The following PRKN variants were observed in gnomAD, a reference collection of about 807,000 sequenced individuals.
PRKN encodes the protein parkin RBR E3 ubiquitin protein ligase, also known as E3 ubiquitin-protein ligase parkin.
In PRKN, 56 loss-of-function variants were observed where a neutral mutation model predicts 59.5. The ratio of observed to expected loss-of-function variants is 0.94; its 90% CI spans 0.76 to 1.18. PRKN has a LOEUF of 1.18. Among genes scored for constraint, PRKN ranks in the 50% most tolerant of loss-of-function variants. PRKN has a pLI of 0.00. For missense variants in PRKN, 657 were observed against 596.4 expected, an observed-to-expected ratio of 1.10 and a Z score of -1.06; for synonymous variants, 250 against 222.1, an observed-to-expected ratio of 1.13 and a Z score of -1.12.
chr6:161,783,282 A>T (rs1790284222), intron 7 of PRKN, among the ~76,000 whole-genome samples: 1 of 152,214 alleles, frequency 6.6e-6, no homozygotes, highest in East Asian at 1.9e-4. Flanking sequence ...TACTTAAAAA[A>T]AAAAAAGTCT....
chr6:162,374,551 A>G (rs188302151), intron 2 of PRKN, among the ~76,000 whole-genome samples: 3 of 149,552 alleles, frequency 2.0e-5, no homozygotes, highest in African/African-American at 5.1e-5. Flanking sequence ...TTGTTTGTTT[A>G]TTTATTTATT....
At chr6:162,320,391 ATTTT>A in intron 2 of PRKN, among the ~76,000 whole-genome samples, 1 of 127,274 alleles carries the variant, frequency 7.9e-6, no homozygotes, top group East Asian at 2.2e-4. Flanking sequence ...AAAACCAAGC[ATTTT>A]AAGATCAAAC....
At chr6:162,568,711 G>T in intron 1 of PRKN, 1 of 769,388 alleles carries the variant, frequency 1.3e-6, no homozygotes, top group South Asian at 1.3e-5. Context: ...ATGGCTTGGA[G>T]CAACATGGGC....
At position 161,458,647 on chromosome 6, in the gene PRKN, GT is replaced by G. The variant is rs1411658454; in HGVS notation, c.1084-71771del. On this transcript the variant is annotated intron_variant, in intron 9 of 11. Transcript: ENST00000366898. This position sits in a 1 kb window ranked among gnomAD's most constrained non-coding sequence, Gnocchi z 6.1. ...AAACATTTCAGCCATTAAGCTCAAAGTTTGTGTTTAAAATATATGTTTGTTT... is the reference window on the plus strand; with the variant it reads ...AAACATTTCAGCCATTAAGCTCAAAGTTGTGTTTAAAATATATGTTTGTTT... Among the ~76,000 whole-genome samples the G allele has an allele frequency of 6.6e-6, 1 of 152,206 alleles. No individual in the cohort carries two copies. Among genetic ancestry groups the G allele is most frequent in the African/African-American group, 2.4e-5 (1 of 41,450 alleles).
Position 161,458,353 on chromosome 6 carries a change from G to C in PRKN, c.1084-71476C>G, listed in dbSNP as rs1583095349. On this transcript the variant is annotated intron_variant, in intron 9 of 11. Transcript: ENST00000366898. This position sits in a 1 kb window ranked among gnomAD's most constrained non-coding sequence, Gnocchi z 6.1. ...GTGAAGCACTTTCATCCAGCATCTC[G>C]GGTGCCTGGTGTGATCGACCATAAG... is the stretch of plus-strand genomic sequence containing the variant. Among the ~76,000 whole-genome samples, 1 of 152,072 alleles carries C rather than the reference G, an allele frequency of 6.6e-6. No individual in the cohort carries two copies. Among genetic ancestry groups the C allele is most frequent in the Non-Finnish European group, 1.5e-5 (1 of 68,014 alleles).
intron 7 of PRKN, among the ~76,000 whole-genome samples, chr6:161,729,212 AT>A (rs575753617): frequency 6.6e-5 from 10 of 152,336 alleles, no homozygotes; most frequent in African/African-American, 2.4e-4. Context: ...CACATTGACT[AT>A]TATACTCTCC....
intron 7 of PRKN, among the ~76,000 whole-genome samples, chr6:161,700,400 C>G (rs1300108641): frequency 6.6e-6 from 1 of 152,036 alleles, no homozygotes; most frequent in Non-Finnish European, 1.5e-5. Context: ...TTCAGTGGCC[C>G]TGATAGAAGA....
At position 161,462,276 on chromosome 6, in the gene PRKN, G is replaced by A. The variant is rs990776167; in HGVS notation, c.1084-75399C>T. On this transcript the variant is annotated intron_variant, in intron 9 of 11. Coordinates refer to ENST00000366898, the MANE Select transcript of PRKN (RefSeq NM_004562.3). This position sits in a 1 kb window ranked among gnomAD's most constrained non-coding sequence, Gnocchi z 4.5. ...CATTTACATCTAACAATGTTATCTA[G>A]ACAGCATGCTTTTATTCTGAATCAC... Among the ~76,000 whole-genome samples, 2 of 152,134 alleles carry A rather than the reference G, an allele frequency of 1.3e-5. No homozygotes were observed. The highest frequency in any genetic ancestry group is 2.9e-5 in the Non-Finnish European group (2 of 68,028).
chr6:162,250,018 C>T (rs1029147731), intron 3 of PRKN, among the ~76,000 whole-genome samples: 5 of 151,852 alleles, frequency 3.3e-5, no homozygotes, highest in South Asian at 2.1e-4. Flanking sequence ...TGGTTGCAGG[C>T]GCCTGTACTC....
chr6:161,654,768 G>C (rs937283446), intron 7 of PRKN, among the ~76,000 whole-genome samples: 1 of 152,160 alleles, frequency 6.6e-6, no homozygotes, highest in African/African-American at 2.4e-5. Context: ...TCCCACGGAG[G>C]CATGGCTTCC....
chr6:162,204,717 T>TC (rs1784862001), intron 3 of PRKN, among the ~76,000 whole-genome samples: 1 of 151,416 alleles, frequency 6.6e-6, no homozygotes. Context: ...AAGTTTTGTT[T>TC]TTTTTTTTTC....
chr6:162,464,581 C>T lies in PRKN; in HGVS notation c.8-21108G>A, dbSNP rs554647507. Among the ~76,000 whole-genome samples the T allele has an allele frequency of 3.3e-5, 5 of 149,458 alleles. No individual in the cohort carries two copies. In the South Asian group the frequency reaches 8.4e-4, roughly 25 times the overall value. On this transcript the variant is annotated intron_variant, in intron 1 of 11. Transcript: ENST00000366898. ...CTGTAATCCTAGCACTTTGGGAGGC[C>T]GAGGCGTGTGGATCACGAGGTCAGG...
At chr6:162,305,140 T>G (rs772423071) in intron 2 of PRKN, among the ~76,000 whole-genome samples, 3 of 152,092 alleles carry the variant, frequency 2.0e-5, no homozygotes, top group Non-Finnish European at 4.4e-5. Flanking sequence ...GAAGGAAGAC[T>G]TGAACTGAAT....
chr6:161,414,781 G>T lies in PRKN; in HGVS notation c.1084-27904C>A, dbSNP rs1283866110. 6.6e-6 allele frequency among the ~76,000 whole-genome samples: 1 copy of T among 152,182 alleles called. No individual in the cohort carries two copies. Among genetic ancestry groups the T allele is most frequent in the Non-Finnish European group, 1.5e-5 (1 of 68,036 alleles). On this transcript the variant is annotated intron_variant, in intron 9 of 11. Transcript: ENST00000366898. The surrounding 1 kb of genome is among the most constrained non-coding windows in gnomAD (Gnocchi z 5.3). The stretch of plus-strand genomic sequence containing the variant: ...CACCAGAGGAGGGTCTCCGCAGGCA[G>T]GGCAGCCGCTGAACAGCACCGGGAG...
intron 6 of PRKN, among the ~76,000 whole-genome samples, chr6:161,808,493 T>A (rs1791427843): frequency 6.6e-6 from 1 of 152,164 alleles, no homozygotes; most frequent in Non-Finnish European, 1.5e-5. Context: ...GTGTGTGTGT[T>A]GAAAGACACA....
At chr6:162,440,756 C>T (rs1257614445) in intron 2 of PRKN, among the ~76,000 whole-genome samples, 1 of 152,006 alleles carries the variant, frequency 6.6e-6, no homozygotes, top group East Asian at 1.9e-4. Context: ...ATGGAAGGTC[C>T]ATCTTCTTTT....
chr6:161,976,300 T>G (rs902525252), intron 5 of PRKN, among the ~76,000 whole-genome samples: 10 of 152,210 alleles, frequency 6.6e-5, no homozygotes, highest in Non-Finnish European at 1.3e-4. Flanking sequence ...TGGTATAATT[T>G]AGTTAACTAA....
chr6:162,076,859 G>C (rs112247885), intron 4 of PRKN, among the ~76,000 whole-genome samples: 1 of 152,074 alleles, frequency 6.6e-6, no homozygotes, highest in Non-Finnish European at 1.5e-5. Flanking sequence ...ATAAGCTCTT[G>C]ATTATAAATC....
At chr6:161,659,003 T>A (rs1784451332) in intron 7 of PRKN, among the ~76,000 whole-genome samples, 1 of 152,220 alleles carries the variant, frequency 6.6e-6, no homozygotes, top group Non-Finnish European at 1.5e-5. Context: ...CTGGAACTCA[T>A]GTTGTGCTGA....
Sources: gnomAD v4.1 joint callset for allele counts (sites outside exome capture counted in the v4.1 genomes callset) on GRCh38, gnomAD v4.1.1 for gene constraint, Gnocchi (gnomAD v3.1) non-coding constraint, MANE v1.5 for transcripts, NCBI Gene and HGNC (gene_info 2026-07-23, HGNC 2026-07-21) for gene names.